The following RASGRF1 variants were observed in gnomAD, a reference collection of about 807,000 sequenced individuals.
The protein encoded by RASGRF1 is Ras protein specific guanine nucleotide releasing factor 1, also known as ras-specific guanine nucleotide-releasing factor 1.
Under a neutral mutation model 138.7 loss-of-function variants are expected in RASGRF1, and 40 were observed. The observed-to-expected ratio is 0.29, with a 90% CI of 0.22 to 0.38. The LOEUF (loss-of-function observed/expected upper bound fraction) is 0.38, where lower values mean the gene tolerates loss of function less well. Among genes scored for constraint, RASGRF1 ranks in the 10% least tolerant of loss-of-function variants. The pLI is 1.00. For missense variants in RASGRF1, 1,108 were observed against 1,650.4 expected (o/e 0.67, Z 5.69); for synonymous variants, 614 against 663.2 (o/e 0.93, Z 1.14).
In RASGRF1 at chr15:78,998,815, T is replaced by C. The variant is rs372768055; in HGVS notation, c.2757A>G (p.Pro919=). 7.4e-6 allele frequency: 12 copies of C among 1,613,502 alleles called. No homozygotes were observed. In the African/African-American group the frequency reaches 1.5e-4, roughly 20 times the overall value. The change falls in exon 18 of 27, where the codon CCA becomes CCG. Residue 919 remains proline (P), a synonymous_variant. Coordinates refer to ENST00000558480, the MANE Select transcript of RASGRF1 (RefSeq NM_001145648.3). ...RMSLASAGFP[P]DQRNGDKEFV... is the part of the protein sequence containing the mutation. ...ACTCCTTGTCTCCATTCCTCTGGTCTGGGGGAAACCCTGGCAGCATGCGTG... is the reference window on the plus strand; with the variant it reads ...ACTCCTTGTCTCCATTCCTCTGGTCCGGGGGAAACCCTGGCAGCATGCGTG...
chr15:78,972,161 T>C (rs149704607), intron 25 of RASGRF1, among the ~76,000 whole-genome samples: 13,318 of 152,184 alleles, frequency 0.088, 639 homozygotes, highest in South Asian at 0.1. Context: ...AGTGGCGTGA[T>C]CTCGGCTCAG....
intron 23 of RASGRF1, among the ~76,000 whole-genome samples, chr15:78,983,798 T>G (rs2056087923): frequency 6.6e-6 from 1 of 152,248 alleles, no homozygotes; most frequent in Non-Finnish European, 1.5e-5. Context: ...GCTCCTGAGC[T>G]CTGCTCTTTC....
In RASGRF1 at chr15:79,026,994, G is replaced by A. The variant is rs116290039; in HGVS notation, c.1381+747C>T. On this transcript the variant is annotated intron_variant, in intron 9 of 26. Transcript: ENST00000558480. ...GCAGCTGCACAGGCCAGCGGGAGGCGCTGGCAAGTATTTCGTTAGGCAGAG... is the reference window on the plus strand; with the variant it reads ...GCAGCTGCACAGGCCAGCGGGAGGCACTGGCAAGTATTTCGTTAGGCAGAG... 4.8e-3 allele frequency among the ~76,000 whole-genome samples: 727 copies of A among 152,256 alleles called. 3 individuals carry two copies. Among genetic ancestry groups the A allele is most frequent in the African/African-American group, 0.017 (700 of 41,544 alleles).
At chr15:79,078,752 G>C (rs1227028009) in intron 1 of RASGRF1, among the ~76,000 whole-genome samples, 3 of 152,220 alleles carry the variant, frequency 2.0e-5, no homozygotes, top group Non-Finnish European at 2.9e-5. Flanking sequence ...CCTGGGCCGT[G>C]GTGGCCGCAC....
At chr15:79,039,704 T>G (rs977596742) in intron 5 of RASGRF1, among the ~76,000 whole-genome samples, 33 of 152,350 alleles carry the variant, frequency 2.2e-4, no homozygotes, top group African/African-American at 7.2e-4. Context: ...AGACAGTTTA[T>G]GTTCTTGTTG....
chr15:79,067,355 T>G (rs557974364), intron 1 of RASGRF1, among the ~76,000 whole-genome samples: 1 of 152,320 alleles, frequency 6.6e-6, no homozygotes, highest in South Asian at 2.1e-4. Flanking sequence ...CTAGGTTCTT[T>G]GCACACACCA....
intron 1 of RASGRF1, among the ~76,000 whole-genome samples, chr15:79,084,384 C>T (rs1933645209): frequency 6.6e-6 from 1 of 152,352 alleles, no homozygotes; most frequent in South Asian, 2.1e-4. Flanking sequence ...CAAAGGCTGA[C>T]CAGCCAGGCC....
intron 1 of RASGRF1, among the ~76,000 whole-genome samples, chr15:79,087,843 A>G (rs576809690): frequency 6.6e-6 from 1 of 152,358 alleles, no homozygotes; most frequent in African/African-American, 2.4e-5. Flanking sequence ...CTATATAAAC[A>G]TATGTGATTT....
intron 1 of RASGRF1, among the ~76,000 whole-genome samples, chr15:79,081,548 G>A (rs944786200): frequency 6.6e-6 from 1 of 152,168 alleles, no homozygotes; most frequent in Non-Finnish European, 1.5e-5. Flanking sequence ...GGCTTTTAGG[G>A]CAGCTTTGGT....
intron 15 of RASGRF1, among the ~76,000 whole-genome samples, chr15:79,002,625 C>G (rs1222042571): frequency 6.6e-6 from 1 of 152,204 alleles, no homozygotes; most frequent in Non-Finnish European, 1.5e-5. Flanking sequence ...AGTCAAGAAG[C>G]CTGGTACCAG....
chr15:79,031,219 A>C (rs75616922), intron 8 of RASGRF1, among the ~76,000 whole-genome samples, 181 bp downstream of exon 8: 1,797 of 152,152 alleles, frequency 0.012, 26 homozygotes, highest in East Asian at 0.047. Flanking sequence ...CCGGGGCTTG[A>C]GTTGTAACCC....
rs3063545 is a variant in RASGRF1 at position 78,966,225 on chromosome 15, ATTT to A, written c.3682-3992_3682-3990del. On this transcript the variant is annotated intron_variant, in intron 26 of 26. Coordinates refer to ENST00000558480, the MANE Select transcript of RASGRF1 (RefSeq NM_001145648.3). ...TCCCTACCAGACCATGAGGACTTAAATTTTTTTTTTTTTTTTTTTTTTTTTAAC... is the reference window on the plus strand; with the variant it reads ...TCCCTACCAGACCATGAGGACTTAAATTTTTTTTTTTTTTTTTTTTTTAAC... Among the ~76,000 whole-genome samples, 952 of 110,694 alleles carry A rather than the reference ATTT, an allele frequency of 8.6e-3. 13 individuals are homozygous for A. The highest frequency in any genetic ancestry group is 0.027 in the African/African-American group (819 of 30,084). The allele number at this position is 110,694 out of a possible 152,430, so 72.6% of individuals were successfully genotyped here.
In RASGRF1 at chr15:78,999,832, GC is replaced by G. The variant is rs1256871930; in HGVS notation, c.2656del (p.Ala886ProfsTer7). 6.2e-7 allele frequency: 1 copy of G among 1,614,024 alleles called. No individual in the cohort carries two copies. Among genetic ancestry groups the G allele is most frequent in the Non-Finnish European group, 8.5e-7 (1 of 1,179,990 alleles). ...ELDNNRSALSAASAFAIATAG... is the reference protein window; with the variant it reads ...ELDNNRSALSXASAFAIATAG... The stretch of plus-strand genomic sequence containing the variant: ...GGTTGCTATGGCAAAGGCAGAGGCG[GC>G]CGACAAGGCACTGCGGTTATTGTCC... On this transcript the variant is annotated frameshift_variant, in exon 17 of 27. Coordinates refer to ENST00000558480, the MANE Select transcript of RASGRF1 (RefSeq NM_001145648.3). LOFTEE classifies it high-confidence loss of function.
chr15:79,022,562 G>A, intron 10 of RASGRF1, among the ~76,000 whole-genome samples: 1 of 148,760 alleles, frequency 6.7e-6, no homozygotes, highest in Admixed American at 6.9e-5. Context: ...TGGATTTTCA[G>A]AGCCTTCGTG....
At position 78,999,931 on chromosome 15, in the gene RASGRF1, C is replaced by G; in HGVS notation, c.2576-18G>C. 6.2e-7 allele frequency: 1 copy of G among 1,611,328 alleles called. No homozygotes were observed. The highest frequency in any genetic ancestry group is 1.7e-4 in the Middle Eastern group (1 of 6,058). ...TGGGAACTCTGCAGAGAGGAGGGAA[C>G]CAACCCTCAGCTGTCCCCAGTCCCA... is the stretch of plus-strand genomic sequence containing the variant. On this transcript the variant is annotated intron_variant, in intron 16 of 26. Coordinates refer to ENST00000558480, the MANE Select transcript of RASGRF1 (RefSeq NM_001145648.3).
intron 1 of RASGRF1, among the ~76,000 whole-genome samples, chr15:79,071,326 T>C (rs185372608): frequency 4.7e-4 from 71 of 152,112 alleles, no homozygotes; most frequent in African/African-American, 1.7e-3. Context: ...TTTCTCTCTC[T>C]CTCCTTTGCA....
intron 7 of RASGRF1, among the ~76,000 whole-genome samples, chr15:79,031,906 G>C (rs2057144540): frequency 6.6e-6 from 1 of 152,124 alleles, no homozygotes; most frequent in Non-Finnish European, 1.5e-5. Context: ...AGGGTGGGGT[G>C]GGGTGCTCAG....
intron 23 of RASGRF1, among the ~76,000 whole-genome samples, chr15:78,982,898 C>T (rs1292237908): frequency 6.6e-6 from 1 of 151,308 alleles, no homozygotes; most frequent in Admixed American, 6.6e-5. Flanking sequence ...TTTTTTTTTC[C>T]CCAAAGAGGA....
chr15:79,058,809 G>A (rs939466891), intron 2 of RASGRF1, among the ~76,000 whole-genome samples: 1 of 152,264 alleles, frequency 6.6e-6, no homozygotes, highest in Non-Finnish European at 1.5e-5. Flanking sequence ...TCCTATTAAA[G>A]TATAATAAGA....
Sources: gnomAD v4.1 joint callset for allele counts (sites outside exome capture counted in the v4.1 genomes callset) on GRCh38, gnomAD v4.1.1 for gene constraint, MANE v1.5 for transcripts, NCBI Gene and HGNC (gene_info 2026-07-23, HGNC 2026-07-21) for gene names.